The following USP24 variants were observed in gnomAD, a reference collection of about 807,000 sequenced individuals.
USP24 encodes ubiquitin specific peptidase 24, also known as ubiquitin carboxyl-terminal hydrolase 24.
In USP24, 97 loss-of-function variants were observed where a neutral mutation model predicts 361.6. The ratio of observed to expected loss-of-function variants is 0.27; its 90% CI spans 0.23 to 0.32. The LOEUF is 0.32. Among genes scored for constraint, USP24 ranks in the 10% least tolerant of loss-of-function variants. The pLI, the probability that USP24 is intolerant of heterozygous loss-of-function variation, is 1.00. For synonymous variants in USP24, 1,098 were observed against 1,124.6 expected, an observed-to-expected ratio of 0.98 and a Z score of 0.47; for missense variants, 2,353 against 3,165.6, an observed-to-expected ratio of 0.74 and a Z score of 6.16.
At chr1:55,202,934 A>C (rs74073078) in intron 1 of USP24, among the ~76,000 whole-genome samples, 5,776 of 152,296 alleles carry the variant, frequency 0.038, 352 homozygotes, top group African/African-American at 0.13. Flanking sequence ...AAACTATAGA[A>C]TCAACACTTT....
chr1:55,146,256 G>C (rs537819121), intron 19 of USP24, 147 bp from the exon 20 acceptor site: 3 of 536,704 alleles, frequency 5.6e-6, no homozygotes, highest in Non-Finnish European at 6.5e-6. Flanking sequence ...TTGGAATTCT[G>C]AAATTAAATG....
At chr1:55,185,933 G>A (rs1234683381) in intron 1 of USP24, among the ~76,000 whole-genome samples, 1 of 152,134 alleles carries the variant, frequency 6.6e-6, no homozygotes, top group Non-Finnish European at 1.5e-5. Context: ...ACAAATGTAT[G>A]CTAACAAATT....
At chr1:55,071,127 A>G (rs1438074291) in intron 67 of USP24, 14 of 985,028 alleles carry the variant, frequency 1.4e-5, no homozygotes, top group Non-Finnish European at 1.7e-5. Context: ...ACACTTAAAA[A>G]AAAATGACAC....
At chr1:55,137,374 T>C in intron 28 of USP24, 141 bp downstream of exon 28, 1 of 1,124,830 alleles carries the variant, frequency 8.9e-7, no homozygotes, top group South Asian at 1.9e-5. Flanking sequence ...GATGAAGAGA[T>C]TTTTTTAAGA....
At chr1:55,119,608 AT>A (rs1000498565) in intron 38 of USP24, among the ~76,000 whole-genome samples, 2 of 152,140 alleles carry the variant, frequency 1.3e-5, no homozygotes, top group Non-Finnish European at 1.5e-5. Context: ...TTCAAAAAAA[AT>A]CTACGTGTCT....
intron 1 of USP24, among the ~76,000 whole-genome samples, chr1:55,178,488 G>A: frequency 6.6e-6 from 1 of 151,986 alleles, no homozygotes; most frequent in East Asian, 1.9e-4. Context: ...CTAACACGGT[G>A]AAACCCCGTC....
intron 55 of USP24, among the ~76,000 whole-genome samples, chr1:55,088,312 T>G (rs1054800788): frequency 1.3e-5 from 2 of 152,212 alleles, no homozygotes; most frequent in Non-Finnish European, 2.9e-5. Context: ...GATCGCCTTG[T>G]GGGAAGAGAC....
At chr1:55,165,407 T>C (rs886342929) in intron 7 of USP24, among the ~76,000 whole-genome samples, 2 of 152,104 alleles carry the variant, frequency 1.3e-5, no homozygotes, top group African/African-American at 4.8e-5. Context: ...ATATGAACAC[T>C]GCACCTGATG....
At chr1:55,147,174 T>A in intron 18 of USP24, 114 bp from the exon 19 acceptor site, 1 of 1,068,032 alleles carries the variant, frequency 9.4e-7, no homozygotes, top group Non-Finnish European at 1.3e-6. Context: ...TCCTTTTTCA[T>A]ATAATTTAGG....
chr1:55,106,050 G>T (rs1645764157), intron 41 of USP24, 96 bp downstream of exon 41: 1 of 939,600 alleles, frequency 1.1e-6, no homozygotes, highest in Non-Finnish European at 1.7e-6. Context: ...CAGACTCACA[G>T]ATGGAAGACA....
intron 38 of USP24, among the ~76,000 whole-genome samples, chr1:55,116,279 G>C (rs1021294237): frequency 6.6e-6 from 1 of 150,834 alleles, no homozygotes; most frequent in African/African-American, 2.4e-5. Flanking sequence ...CTTAAAGGTA[G>C]TAAAAGGAAA....
intron 38 of USP24, 32 bp downstream of exon 38, chr1:55,120,564 A>G (rs1646251146): frequency 2.6e-6 from 4 of 1,525,258 alleles, no homozygotes; most frequent in African/African-American, 1.4e-5. Context: ...CTCTCTCTGT[A>G]TAAGGTTAGC....
rs1048020932 is a variant in USP24, at chr1:55,158,785, A to C, written c.1227+93T>G. 9.1e-6 allele frequency: 10 copies of C among 1,093,714 alleles called. No individual in the cohort carries two copies. In the East Asian group the frequency reaches 2.9e-4, roughly 32 times the overall value. 67.8% of individuals were successfully genotyped at this position (1,093,714 alleles called of 1,614,324 possible). ...TTTATATGATTACAATAAATTATTC[A>C]TATTTCCCAAAATTGTTATATTAAT... On this transcript the variant is annotated intron_variant, in intron 10 of 67. Transcript: ENST00000294383.
intron 38 of USP24, among the ~76,000 whole-genome samples, chr1:55,111,988 T>C (rs1645968741): frequency 6.6e-6 from 1 of 150,476 alleles, no homozygotes. Flanking sequence ...GATAAAATTA[T>C]AACTATATTT....
At chr1:55,073,725 C>T in intron 64 of USP24, 103 bp downstream of exon 64, 1 of 1,116,544 alleles carries the variant, frequency 9.0e-7, no homozygotes, top group Non-Finnish European at 1.3e-6. Context: ...CTGACTGAGT[C>T]AGATTCTCCA....
Position 55,138,710 on chromosome 1 carries a change from G to A in USP24, c.2826C>T (p.Tyr942=). The change falls in exon 26 of 68, where the codon TAC becomes TAT. Residue 942 remains tyrosine, a synonymous_variant. Coordinates refer to ENST00000294383, the MANE Select transcript of USP24 (RefSeq NM_015306.3). The stretch of plus-strand genomic sequence containing the variant: ...GAGGTAGAATAGTTCGTGGAACAGA[G>A]TAAAAATCCTTAAAAAACGAATAAG... ...ERYVITIEDF[Y]SVPRTILPHG... The A allele has an allele frequency of 6.2e-7, 1 of 1,611,476 alleles. No homozygotes were observed. Among genetic ancestry groups the A allele is most frequent in the Non-Finnish European group, 8.5e-7 (1 of 1,178,572 alleles).
intron 60 of USP24, among the ~76,000 whole-genome samples, chr1:55,079,089 G>A (rs536580458): frequency 6.6e-6 from 1 of 152,260 alleles, no homozygotes; most frequent in South Asian, 2.1e-4. Flanking sequence ...ACAGCTGGGG[G>A]CGGCTCTGCT....
intron 67 of USP24, 123 bp from the exon 68 acceptor site, chr1:55,069,230 T>C (rs1454750231): frequency 4.6e-6 from 4 of 863,944 alleles, no homozygotes; most frequent in Non-Finnish European, 5.6e-6. Context: ...TATCAAAGGG[T>C]AATAAAATGT....
chr1:55,138,788 G>T, intron 25 of USP24, 70 bp from the exon 26 acceptor site: 1 of 1,317,530 alleles, frequency 7.6e-7, no homozygotes, highest in Non-Finnish European at 1.1e-6. Context: ...ACATATCTAT[G>T]TATATATGAT....
Sources: gnomAD v4.1 joint callset for allele counts (sites outside exome capture counted in the v4.1 genomes callset) on GRCh38, gnomAD v4.1.1 for gene constraint, MANE v1.5 for transcripts, NCBI Gene and HGNC (gene_info 2026-07-23, HGNC 2026-07-21) for gene names.